Variants in BMPR1A observed in about 807,000 individuals in gnomAD.
BMPR1A encodes the protein bone morphogenetic protein receptor type-1A.
BMPR1A carries 7 observed loss-of-function variants against 66.0 expected under a neutral mutation model. The observed-to-expected ratio is 0.11, with a 90% CI of 0.06 to 0.20. The LOEUF is 0.20. BMPR1A is among the 10% of genes least tolerant of loss of function. The pLI is 1.00. For missense variants in BMPR1A, 408 were observed against 669.1 expected (o/e 0.61, Z 4.31); for synonymous variants, 200 against 229.7 (o/e 0.87, Z 1.17).
At chr10:86,792,565 G>A (rs1262193369) in intron 1 of BMPR1A, among the ~76,000 whole-genome samples, 1 of 152,154 alleles carries the variant, frequency 6.6e-6, no homozygotes, top group East Asian at 1.9e-4. Context: ...GGAGGCCAAG[G>A]CAGGAGGATT....
chr10:86,873,423 C>T (rs1443843199), intron 2 of BMPR1A, among the ~76,000 whole-genome samples: 1 of 149,920 alleles, frequency 6.7e-6, no homozygotes, highest in Non-Finnish European at 1.5e-5. Context: ...CCCACCGCCC[C>T]CACCCCTATT....
intron 5 of BMPR1A, among the ~76,000 whole-genome samples, chr10:86,893,036 G>A (rs955858668): frequency 2.0e-5 from 3 of 151,944 alleles, no homozygotes; most frequent in Non-Finnish European, 4.4e-5. Flanking sequence ...GGTAATTTAA[G>A]TTCCAGGTTA....
At chr10:86,830,158 C>A (rs1842247714) in intron 1 of BMPR1A, among the ~76,000 whole-genome samples, 1 of 152,114 alleles carries the variant, frequency 6.6e-6, no homozygotes. Context: ...GGGTTTCTGC[C>A]TAAACTGACC....
At chr10:86,906,672 C>T (rs1252030649) in intron 7 of BMPR1A, among the ~76,000 whole-genome samples, 3 of 36,208 alleles carry the variant, frequency 8.3e-5, no homozygotes, top group Non-Finnish European at 1.2e-4. Flanking sequence ...TGCAGTGAGC[C>T]GACATCGCGC....
intron 1 of BMPR1A, among the ~76,000 whole-genome samples, chr10:86,791,550 A>T (rs1183252274): frequency 6.6e-6 from 1 of 151,868 alleles, no homozygotes; most frequent in East Asian, 1.9e-4. Flanking sequence ...GAAAAGTAGA[A>T]ATTCACTAAG....
At chr10:86,854,241 C>CA (rs1386858023) in intron 2 of BMPR1A, among the ~76,000 whole-genome samples, 1 of 152,232 alleles carries the variant, frequency 6.6e-6, no homozygotes, top group Non-Finnish European at 1.5e-5. Context: ...ATTCCCTGAA[C>CA]ATTGCTGTTA....
At chr10:86,763,085 G>A (rs1474977632) in intron 1 of BMPR1A, among the ~76,000 whole-genome samples, 8 of 152,070 alleles carry the variant, frequency 5.3e-5, no homozygotes, top group East Asian at 1.9e-4. Context: ...TAGTAGAGAC[G>A]GGGTTTCGCT....
At chr10:86,922,031 A>AC (rs1843672188) in intron 11 of BMPR1A, among the ~76,000 whole-genome samples, 1 of 150,228 alleles carries the variant, frequency 6.7e-6, no homozygotes, top group South Asian at 2.1e-4. Context: ...TTTTGTCTCT[A>AC]CTTATTAAAC....
intron 3 of BMPR1A, among the ~76,000 whole-genome samples, chr10:86,883,502 A>C (rs1186263303): frequency 1.4e-5 from 2 of 142,646 alleles, no homozygotes; most frequent in African/African-American, 5.2e-5. Flanking sequence ...GTGAGCCGAG[A>C]TCACGCCACT....
chr10:86,838,408 A>AG (rs1842380689), intron 1 of BMPR1A, among the ~76,000 whole-genome samples: 2 of 152,212 alleles, frequency 1.3e-5, no homozygotes, highest in Admixed American at 1.3e-4. Flanking sequence ...CTAATGTTCT[A>AG]GGTAGAAGTG....
At chr10:86,755,869 C>G (rs1317465582), upstream of BMPR1A, 1 of 152,150 alleles carries the variant, frequency 6.6e-6, no homozygotes, top group Non-Finnish European at 1.5e-5. Context: ...AGGGAAGCCG[C>G]TCTCCCCGGC....
At chr10:86,883,346 A>C (rs997359051) in intron 3 of BMPR1A, among the ~76,000 whole-genome samples, 5 of 151,690 alleles carry the variant, frequency 3.3e-5, no homozygotes, top group Admixed American at 6.6e-5. Context: ...GTCAGGAGAT[A>C]GAGACCATCC....
At chr10:86,789,473 G>A (rs908172015) in intron 1 of BMPR1A, among the ~76,000 whole-genome samples, 1 of 152,122 alleles carries the variant, frequency 6.6e-6, no homozygotes, top group African/African-American at 2.4e-5. Flanking sequence ...AGCACTTTGG[G>A]AGACTGAGGT....
chr10:86,853,173 A>G (rs894235131), intron 2 of BMPR1A, among the ~76,000 whole-genome samples: 28 of 152,284 alleles, frequency 1.8e-4, no homozygotes, highest in African/African-American at 6.5e-4. Context: ...GAAAATTGAC[A>G]CAGAGTAAAT....
At chr10:86,837,170 G>C (rs1842360435) in intron 1 of BMPR1A, among the ~76,000 whole-genome samples, 1 of 151,958 alleles carries the variant, frequency 6.6e-6, no homozygotes, top group Admixed American at 6.6e-5. Context: ...TAGTTGGTAA[G>C]TAGTTTACAT....
chr10:86,841,121 C>A (rs756100918), intron 2 of BMPR1A, among the ~76,000 whole-genome samples: 1 of 152,184 alleles, frequency 6.6e-6, no homozygotes, highest in African/African-American at 2.4e-5. Flanking sequence ...CTGTCCATTT[C>A]TTTCACCCTT....
downstream of BMPR1A, chr10:86,931,901 T>C (rs1227704432): frequency 6.6e-6 from 1 of 152,218 alleles, no homozygotes. Context: ...CCCTAGATGT[T>C]TCTTCCATAA....
At chr10:86,845,769 G>A (rs1364103755) in intron 2 of BMPR1A, among the ~76,000 whole-genome samples, 3 of 152,016 alleles carry the variant, frequency 2.0e-5, no homozygotes, top group East Asian at 1.9e-4. Flanking sequence ...AGGCTGAGGC[G>A]AGTGGATCAT....
At chr10:86,808,322 G>A (rs1564691404) in intron 1 of BMPR1A, among the ~76,000 whole-genome samples, 1 of 151,576 alleles carries the variant, frequency 6.6e-6, no homozygotes. Context: ...TTAGCTAAAG[G>A]CTTATCAATT....
Sources: gnomAD v4.1 joint callset for allele counts (sites outside exome capture counted in the v4.1 genomes callset) on GRCh38, gnomAD v4.1.1 for gene constraint, MANE v1.5 for transcripts, NCBI Gene and HGNC (gene_info 2026-07-23, HGNC 2026-07-21) for gene names.